ZFHX3: variants seen among roughly 807,000 people sequenced by gnomAD.
ZFHX3 encodes the protein zinc finger homeobox protein 3.
ZFHX3 carries 42 observed loss-of-function variants against 279.1 expected under a neutral mutation model. The observed-to-expected ratio is 0.15, with a 90% CI of 0.12 to 0.19. The LOEUF is 0.19. ZFHX3 is among the 10% of genes least tolerant of loss of function. The probability of loss-of-function intolerance (pLI) is 1.00; values close to 1 mark genes in which losing one functional copy is unlikely to be tolerated. For missense variants in ZFHX3, 4,981 were observed against 4,754.0 expected (o/e 1.05, Z -1.40); for synonymous variants, 2,293 against 1,957.8 (o/e 1.17, Z -4.52).
intron 3 of ZFHX3, among the ~76,000 whole-genome samples, chr16:73,350,163 G>A (rs568576044): frequency 6.6e-6 from 1 of 152,192 alleles, no homozygotes; most frequent in South Asian, 2.1e-4. Flanking sequence ...TGGACCTATA[G>A]CAAGCTGCAC....
chr16:73,472,655 C>T (rs953238805), intron 2 of ZFHX3, among the ~76,000 whole-genome samples: 2 of 152,222 alleles, frequency 1.3e-5, no homozygotes, highest in Admixed American at 6.5e-5. Flanking sequence ...CAGACTGCAT[C>T]ACCTAGATTT....
At chr16:73,718,269 G>C (rs1310686100) in intron 1 of ZFHX3, among the ~76,000 whole-genome samples, 1 of 152,060 alleles carries the variant, frequency 6.6e-6, no homozygotes, top group African/African-American at 2.4e-5. Context: ...AAATTAGCCG[G>C]GCGTGGTGGC....
Position 72,786,604 on chromosome 16 carries a change from G to GA in ZFHX3, c.*559dup, listed in dbSNP as rs1437318541. 4 of 146,236 alleles carry GA rather than the reference G, an allele frequency of 2.7e-5. No homozygotes were observed. The highest frequency in any genetic ancestry group is 7.5e-5 in the African/African-American group (3 of 40,012). The allele number at this position is 146,236 out of a possible 1,614,324, so 9.1% of individuals were successfully genotyped here. A position where few individuals can be genotyped will look rare whatever the true frequency, so the allele number is the denominator to read the frequency against. On this transcript the variant is annotated 3_prime_UTR_variant, in exon 10 of 10. Transcript: ENST00000268489. The stretch of plus-strand genomic sequence containing the variant: ...TGGAACAAAAAAAAAAAAAAAAACT[G>GA]AAAAAACAATAATATATAAAACAAT...
chr16:72,904,139 G>T (rs1203123529), intron 3 of ZFHX3, among the ~76,000 whole-genome samples: 1 of 152,140 alleles, frequency 6.6e-6, no homozygotes, highest in Non-Finnish European at 1.5e-5. Context: ...GCCAAGGTGG[G>T]TGGATCACTT....
intron 1 of ZFHX3, among the ~76,000 whole-genome samples, chr16:73,019,132 T>C (rs1322935605): frequency 2.6e-5 from 4 of 152,186 alleles, no homozygotes; most frequent in Non-Finnish European, 4.4e-5. Flanking sequence ...TTAAAGCCAC[T>C]TGTGACTTTC....
At chr16:73,143,942 A>C (rs1436868302) in intron 5 of ZFHX3, 1 of 413,268 alleles carries the variant, frequency 2.4e-6, no homozygotes, top group East Asian at 7.3e-5. Flanking sequence ...TATTTTTCTT[A>C]AATAAGATTT....
chr16:73,843,336 G>A (rs72803176), intron 1 of ZFHX3, among the ~76,000 whole-genome samples: 2,765 of 152,312 alleles, frequency 0.018, 41 homozygotes, highest in Non-Finnish European at 0.028. Context: ...GTTTTAAAAC[G>A]TGTGAAGATA....
intron 7 of ZFHX3, among the ~76,000 whole-genome samples, chr16:73,123,821 G>A (rs1966528186): frequency 6.6e-6 from 1 of 152,078 alleles, no homozygotes; most frequent in Non-Finnish European, 1.5e-5. Context: ...TTATAGAAGA[G>A]GCCTGGGGGA....
intron 7 of ZFHX3, among the ~76,000 whole-genome samples, chr16:72,802,543 C>CA (rs1341313641): frequency 6.6e-6 from 1 of 152,096 alleles, no homozygotes; most frequent in African/African-American, 2.4e-5. Flanking sequence ...ATAGTGTACC[C>CA]AACCTCTCCC....
intron 5 of ZFHX3, among the ~76,000 whole-genome samples, chr16:73,251,729 C>T (rs1381326142): frequency 2.3e-5 from 3 of 128,866 alleles, no homozygotes; most frequent in African/African-American, 5.1e-5. Context: ...CACACACGCA[C>T]ACACCATGCA....
rs1194157743 is a variant in ZFHX3 at position 72,850,287 on chromosome 16, C to T, written c.3449-20428G>A. Among the ~76,000 whole-genome samples the T allele has an allele frequency of 3.3e-5, 5 of 152,220 alleles. No individual in the cohort carries two copies. The East Asian group carries it at 9.6e-4, about 29-fold the overall frequency. ...TCACTTAGCACTTCAGACCACAGGT[C>T]CCACATGGAAACATCACCTGCCCAT... On this transcript the variant is annotated intron_variant, in intron 4 of 9. Transcript: ENST00000268489.
intron 4 of ZFHX3, among the ~76,000 whole-genome samples, chr16:72,882,317 T>C (rs149022894): frequency 2.3e-3 from 344 of 152,102 alleles, no homozygotes; most frequent in African/African-American, 7.8e-3. Context: ...CTGGAGCCCT[T>C]GACCAAGAAC....
At chr16:73,723,478 T>C (rs78116347) in intron 1 of ZFHX3, among the ~76,000 whole-genome samples, 2,279 of 152,158 alleles carry the variant, frequency 0.015, 62 homozygotes, top group African/African-American at 0.052. Flanking sequence ...TAAAGAAAAA[T>C]GTTCACAATG....
intron 8 of ZFHX3, among the ~76,000 whole-genome samples, chr16:72,799,437 T>C (rs948886124): frequency 6.6e-6 from 1 of 152,116 alleles, no homozygotes; most frequent in African/African-American, 2.4e-5. Context: ...GGCAGGACAG[T>C]AGTGTGGCCA....
At chr16:73,681,951 G>C (rs1268350384) in intron 1 of ZFHX3, among the ~76,000 whole-genome samples, 3 of 152,132 alleles carry the variant, frequency 2.0e-5, no homozygotes, top group Admixed American at 6.5e-5. Context: ...CTAATAAATA[G>C]GGATAATGAT....
chr16:73,086,498 T>A (rs929439649), intron 8 of ZFHX3, among the ~76,000 whole-genome samples: 5 of 152,216 alleles, frequency 3.3e-5, no homozygotes, highest in African/African-American at 1.2e-4. Flanking sequence ...GAAAATGTGG[T>A]ATATATACAC....
chr16:72,868,761 T>C (rs759224017), intron 4 of ZFHX3, among the ~76,000 whole-genome samples: 4 of 152,240 alleles, frequency 2.6e-5, no homozygotes, highest in Non-Finnish European at 5.9e-5. Flanking sequence ...GGTCACCTTC[T>C]GCACCTCCAC....
intron 1 of ZFHX3, among the ~76,000 whole-genome samples, chr16:73,055,715 C>CACACACAT (rs1567653025): frequency 1.4e-5 from 2 of 143,242 alleles, no homozygotes; most frequent in African/African-American, 4.9e-5. Flanking sequence ...CACACACACA[C>CACACACAT]ACACACATAC....
At chr16:73,780,447 CTTTTT>C (rs879667609) in intron 1 of ZFHX3, among the ~76,000 whole-genome samples, 1 of 142,270 alleles carries the variant, frequency 7.0e-6, no homozygotes. Flanking sequence ...CGTGCCTGAA[CTTTTT>C]TTTTTTTTAA....
Sources: allele counts gnomAD v4.1 joint callset (sites outside exome capture counted in the v4.1 genomes callset), GRCh38; gene constraint gnomAD v4.1.1; transcripts MANE v1.5; gene names NCBI Gene and HGNC (gene_info 2026-07-23, HGNC 2026-07-21).